VWA8: variants seen among roughly 807,000 people sequenced by gnomAD.
The protein encoded by VWA8 is von Willebrand factor A domain containing 8, also known as von Willebrand factor A domain-containing protein 8.
A neutral mutation model predicts 241.5 loss-of-function variants in VWA8; 221 were observed. The ratio of observed to expected loss-of-function variants is 0.91; its 90% CI spans 0.82 to 1.02. VWA8 has a LOEUF of 1.02. Ranked by LOEUF, VWA8 falls within the 50% of genes least tolerant of loss-of-function variation. The pLI, the probability that VWA8 is intolerant of heterozygous loss-of-function variation, is 0.00. For synonymous variants in VWA8, 852 were observed against 827.1 expected (o/e 1.03, Z -0.52); for missense variants, 2,322 against 2,328.7 (o/e 1.00, Z 0.06).
chr13:41,819,853 T>C (rs1258502199), intron 14 of VWA8, among the ~76,000 whole-genome samples: 1 of 152,150 alleles, frequency 6.6e-6, no homozygotes, highest in Non-Finnish European at 1.5e-5. Flanking sequence ...ACAGAAAATG[T>C]AAGAAACATA....
intron 2 of VWA8, among the ~76,000 whole-genome samples, chr13:41,941,398 A>C (rs984185288): frequency 6.6e-6 from 1 of 152,196 alleles, no homozygotes; most frequent in African/African-American, 2.4e-5. Context: ...AGGCAATGAC[A>C]ATGCTTCACG....
At chr13:41,679,517 T>A (rs1216220374) in intron 35 of VWA8, among the ~76,000 whole-genome samples, 2 of 152,174 alleles carry the variant, frequency 1.3e-5, no homozygotes, top group East Asian at 3.9e-4. Context: ...CAATCAAGAA[T>A]CATTATTTTG....
In VWA8 at chr13:41,567,701, T is replaced by C. The variant is rs1168123967; in HGVS notation, c.*496A>G. On this transcript the variant is annotated 3_prime_UTR_variant, in exon 45 of 45. Coordinates refer to ENST00000379310, the MANE Select transcript of VWA8 (RefSeq NM_015058.2). The stretch of plus-strand genomic sequence containing the variant: ...TAAATATTATAAAATCATTGTTTTC[T>C]GGTCAATACAGAGCAGGGAGAAAAT... The C allele has an allele frequency of 6.6e-6, 1 of 152,372 alleles. No homozygotes were observed. Among genetic ancestry groups the C allele is most frequent in the African/African-American group, 2.4e-5 (1 of 41,460 alleles). The allele number at this position is 152,372 out of a possible 1,614,324, so 9.4% of individuals were successfully genotyped here. A position where few individuals can be genotyped will look rare whatever the true frequency, so the allele number is the denominator to read the frequency against.
chr13:41,788,520 T>C (rs946847697), intron 17 of VWA8, among the ~76,000 whole-genome samples: 7 of 152,186 alleles, frequency 4.6e-5, no homozygotes, highest in African/African-American at 1.7e-4. Context: ...TAGGCTATGA[T>C]AGAGGAAATT....
At chr13:41,687,042 C>T (rs548352627) in intron 34 of VWA8, among the ~76,000 whole-genome samples, 1 of 152,208 alleles carries the variant, frequency 6.6e-6, no homozygotes, top group African/African-American at 2.4e-5. Flanking sequence ...TAAAATTAGG[C>T]TATTTGCCTT....
At chr13:41,850,984 A>G (rs1406051534) in intron 12 of VWA8, among the ~76,000 whole-genome samples, 1 of 152,212 alleles carries the variant, frequency 6.6e-6, no homozygotes, top group East Asian at 1.9e-4. Flanking sequence ...GAAAAGCTCA[A>G]CAAAGAGATA....
chr13:41,755,579 A>G (rs1156395507), intron 21 of VWA8, among the ~76,000 whole-genome samples: 1 of 151,990 alleles, frequency 6.6e-6, no homozygotes, highest in Admixed American at 6.6e-5. Context: ...ATTACTATAG[A>G]ATATAAATCA....
At chr13:41,910,869 G>T (rs927964548) in intron 3 of VWA8, among the ~76,000 whole-genome samples, 12 of 151,912 alleles carry the variant, frequency 7.9e-5, no homozygotes, top group Admixed American at 7.9e-4. Flanking sequence ...GAGTGTACAA[G>T]GTAGATTTCA....
At chr13:41,772,141 C>T (rs1375458091) in intron 20 of VWA8, among the ~76,000 whole-genome samples, 2 of 151,550 alleles carry the variant, frequency 1.3e-5, no homozygotes, top group Non-Finnish European at 2.9e-5. Flanking sequence ...CCGCCCGCCT[C>T]GGCCTCCCAA....
intron 23 of VWA8, 84 bp from the exon 24 acceptor site, chr13:41,727,397 T>C (rs2045445597): frequency 9.6e-7 from 1 of 1,041,022 alleles, no homozygotes; most frequent in South Asian, 1.9e-5. Context: ...ATAACATAAA[T>C]AGTTATACTG....
intron 26 of VWA8, among the ~76,000 whole-genome samples, chr13:41,709,154 T>A (rs1178675318): frequency 6.6e-6 from 1 of 152,242 alleles, no homozygotes; most frequent in South Asian, 2.1e-4. Flanking sequence ...ACTATGAATA[T>A]AGCACTTTGA....
intron 37 of VWA8, among the ~76,000 whole-genome samples, chr13:41,620,363 C>A (rs2044648533): frequency 6.6e-6 from 1 of 151,858 alleles, no homozygotes; most frequent in Non-Finnish European, 1.5e-5. Flanking sequence ...TCTCTCTTTT[C>A]TTCTTTATCA....
At chr13:41,929,151 ATT>A (rs367906772) in intron 2 of VWA8, among the ~76,000 whole-genome samples, 29 of 126,644 alleles carry the variant, frequency 2.3e-4, no homozygotes, top group East Asian at 4.5e-4. Context: ...CTTGACTTTA[ATT>A]TTTTTTTTTT....
At chr13:41,869,536 G>T (rs1873482105) in intron 9 of VWA8, among the ~76,000 whole-genome samples, 3 of 147,594 alleles carry the variant, frequency 2.0e-5, no homozygotes, top group Admixed American at 7.0e-5. Context: ...GGAGGCTGAG[G>T]CACGAGAATC....
At chr13:41,912,775 T>G (rs1455365208) in intron 2 of VWA8, among the ~76,000 whole-genome samples, 1 of 152,232 alleles carries the variant, frequency 6.6e-6, no homozygotes, top group Non-Finnish European at 1.5e-5. Flanking sequence ...CAAATTCTTT[T>G]GTGAATAGAA....
chr13:41,897,085 T>C (rs977064041), intron 4 of VWA8, among the ~76,000 whole-genome samples: 2 of 152,174 alleles, frequency 1.3e-5, no homozygotes, highest in Non-Finnish European at 2.9e-5. Flanking sequence ...TATAGCTCCA[T>C]CTTTACCTGT....
chr13:41,956,332 C>T (rs555264722), intron 1 of VWA8, among the ~76,000 whole-genome samples: 181 of 152,278 alleles, frequency 1.2e-3, no homozygotes, highest in African/African-American at 4.2e-3. Flanking sequence ...GGGTTAGTGT[C>T]ATCATTTTTA....
At chr13:41,633,683 A>G (rs2044739466) in intron 37 of VWA8, among the ~76,000 whole-genome samples, 1 of 152,218 alleles carries the variant, frequency 6.6e-6, no homozygotes, top group Non-Finnish European at 1.5e-5. Flanking sequence ...GGCACAGCTG[A>G]TCTGATATAT....
intron 2 of VWA8, among the ~76,000 whole-genome samples, chr13:41,922,831 T>C (rs35637252): frequency 0.19 from 29,188 of 152,204 alleles, 3,600 homozygotes; most frequent in East Asian, 0.37. Flanking sequence ...TTTTACACTG[T>C]TAGTGGGATT....
Sources: gnomAD v4.1 joint callset for allele counts (sites outside exome capture counted in the v4.1 genomes callset) on GRCh38, gnomAD v4.1.1 for gene constraint, MANE v1.5 for transcripts, NCBI Gene and HGNC (gene_info 2026-07-23, HGNC 2026-07-21) for gene names.